Variants in HCN1 observed in about 807,000 individuals in gnomAD.
The protein encoded by HCN1 is potassium/sodium hyperpolarization-activated cyclic nucleotide-gated channel 1.
Under a neutral mutation model 78.9 loss-of-function variants are expected in HCN1, and 13 were observed. The observed-to-expected ratio is 0.16, with a 90% CI of 0.11 to 0.26. HCN1 has a LOEUF of 0.26. Among genes scored for constraint, HCN1 ranks in the 10% least tolerant of loss-of-function variants. HCN1 has a pLI of 1.00. For synonymous variants in HCN1, 552 were observed against 455.5 expected (o/e 1.21, Z -2.70); for missense variants, 810 against 1,154.3 (o/e 0.70, Z 4.32).
At position 45,510,094 on chromosome 5, in the gene HCN1, C is replaced by T. The variant is rs577170035; in HGVS notation, c.850-48087G>A. Among the ~76,000 whole-genome samples the T allele has an allele frequency of 1.2e-3, 182 of 152,166 alleles. 1 individual carries two copies. The highest frequency in any genetic ancestry group is 4.3e-3 in the African/African-American group (177 of 41,546). On this transcript the variant is annotated intron_variant, in intron 2 of 7. Coordinates refer to ENST00000303230, the MANE Select transcript of HCN1 (RefSeq NM_021072.4). The stretch of plus-strand genomic sequence containing the variant: ...TAATAATAACACTTGAATGAAAAGA[C>T]AACCTGTCTTCAAGAGCTTATGGTC...
intron 5 of HCN1, among the ~76,000 whole-genome samples, chr5:45,344,479 A>G (rs568669562): frequency 6.6e-6 from 1 of 152,324 alleles, no homozygotes; most frequent in East Asian, 1.9e-4. Flanking sequence ...TGAATCAAGG[A>G]AAGTCTCTTC....
intron 4 of HCN1, among the ~76,000 whole-genome samples, chr5:45,366,485 C>T (rs978886498): frequency 6.6e-6 from 1 of 151,620 alleles, no homozygotes; most frequent in Non-Finnish European, 1.5e-5. Flanking sequence ...GTTTAAATAT[C>T]ACTAATCTTC....
intron 3 of HCN1, among the ~76,000 whole-genome samples, chr5:45,411,433 G>T (rs952190943): frequency 1.3e-5 from 2 of 151,138 alleles, no homozygotes. Context: ...TTTCTGATGA[G>T]CTCCTTTCAG....
chr5:45,274,508 G>C (rs1219313633), intron 6 of HCN1, among the ~76,000 whole-genome samples: 1 of 152,126 alleles, frequency 6.6e-6, no homozygotes, highest in African/African-American at 2.4e-5. Flanking sequence ...CTATAAAACA[G>C]TGCCTATAAA....
chr5:45,535,119 A>T (rs1414866990), intron 2 of HCN1, among the ~76,000 whole-genome samples: 6 of 152,230 alleles, frequency 3.9e-5, no homozygotes, highest in Admixed American at 3.9e-4. Flanking sequence ...AAAAAATGCA[A>T]ATCATAGGAT....
At chr5:45,285,650 A>G (rs16902086) in intron 6 of HCN1, among the ~76,000 whole-genome samples, 70,552 of 151,784 alleles carry the variant, frequency 0.46, 18,144 homozygotes, top group African/African-American at 0.7. Context: ...AAATGTAGCC[A>G]AGATCAATCA....
chr5:45,508,739 T>C (rs1742355173), intron 2 of HCN1, among the ~76,000 whole-genome samples: 1 of 152,164 alleles, frequency 6.6e-6, no homozygotes, highest in African/African-American at 2.4e-5. Context: ...TAAAAAAGAT[T>C]GTTTTAAATT....
chr5:45,373,881 C>T (rs529282432), intron 4 of HCN1, among the ~76,000 whole-genome samples: 13 of 133,266 alleles, frequency 9.8e-5, no homozygotes, highest in East Asian at 4.4e-4. Context: ...ATATTACATA[C>T]GGTATATATG....
chr5:45,523,669 T>C (rs1301447001), intron 2 of HCN1, among the ~76,000 whole-genome samples: 2 of 152,028 alleles, frequency 1.3e-5, no homozygotes, highest in Non-Finnish European at 2.9e-5. Flanking sequence ...TTTTGAGAGG[T>C]GTCTGTTCAT....
At chr5:45,647,759 G>A (rs745812205) in intron 1 of HCN1, among the ~76,000 whole-genome samples, 1 of 151,876 alleles carries the variant, frequency 6.6e-6, no homozygotes, top group Non-Finnish European at 1.5e-5. Context: ...CCTATCTCAG[G>A]GAATGGAATA....
intron 2 of HCN1, among the ~76,000 whole-genome samples, chr5:45,565,714 G>A (rs1442372977): frequency 6.6e-6 from 1 of 152,032 alleles, no homozygotes; most frequent in Non-Finnish European, 1.5e-5. Flanking sequence ...TGAGGTGGGA[G>A]GATGGTTTGT....
intron 2 of HCN1, among the ~76,000 whole-genome samples, chr5:45,505,175 C>T (rs1472043629): frequency 6.6e-6 from 1 of 152,046 alleles, no homozygotes; most frequent in Non-Finnish European, 1.5e-5. Context: ...AAGTCCTTGC[C>T]CATGCCTATG....
chr5:45,517,105 T>G (rs2111770253), intron 2 of HCN1, among the ~76,000 whole-genome samples: 1 of 152,086 alleles, frequency 6.6e-6, no homozygotes, highest in East Asian at 1.9e-4. Context: ...TCTGAAGGCT[T>G]TGATTTCATA....
At chr5:45,280,080 C>T (rs1745129480) in intron 6 of HCN1, among the ~76,000 whole-genome samples, 1 of 151,958 alleles carries the variant, frequency 6.6e-6, no homozygotes, top group Non-Finnish European at 1.5e-5. Flanking sequence ...TCATGTATTT[C>T]AAGAAAGGAT....
At chr5:45,437,786 C>G (rs995887274) in intron 3 of HCN1, among the ~76,000 whole-genome samples, 5 of 152,150 alleles carry the variant, frequency 3.3e-5, no homozygotes, top group Non-Finnish European at 5.9e-5. Flanking sequence ...TAAAAGAATA[C>G]TTTATTATTT....
intron 2 of HCN1, among the ~76,000 whole-genome samples, chr5:45,507,059 T>G (rs1036072918): frequency 1.3e-5 from 2 of 152,124 alleles, no homozygotes; most frequent in Non-Finnish European, 2.9e-5. Flanking sequence ...ACAATATCAA[T>G]TTGTAGAAGG....
intron 2 of HCN1, among the ~76,000 whole-genome samples, chr5:45,629,610 A>G (rs568001326): frequency 1.3e-5 from 2 of 152,254 alleles, no homozygotes; most frequent in Admixed American, 6.5e-5. Flanking sequence ...CAAAAGTAAC[A>G]CATTATAAGC....
intron 2 of HCN1, among the ~76,000 whole-genome samples, chr5:45,523,357 CCTTTG>C (rs1315701109): frequency 2.0e-5 from 3 of 151,982 alleles, no homozygotes; most frequent in South Asian, 2.1e-4. Context: ...GATTTATAGT[CCTTTG>C]GGTATATACT....
At chr5:45,531,555 T>A (rs1471918181) in intron 2 of HCN1, among the ~76,000 whole-genome samples, 1 of 152,108 alleles carries the variant, frequency 6.6e-6, no homozygotes, top group Non-Finnish European at 1.5e-5. Context: ...TGTGTAAGTA[T>A]CCCCTACTTC....
Sources: gnomAD v4.1 joint callset for allele counts (sites outside exome capture counted in the v4.1 genomes callset) on GRCh38, gnomAD v4.1.1 for gene constraint, MANE v1.5 for transcripts, NCBI Gene and HGNC (gene_info 2026-07-23, HGNC 2026-07-21) for gene names.